The following RPTOR variants were observed in gnomAD, a reference collection of about 807,000 sequenced individuals.
RPTOR encodes regulatory associated protein of MTOR complex 1.
In RPTOR, 21 loss-of-function variants were observed where a neutral mutation model predicts 169.9. The ratio of observed to expected loss-of-function variants is 0.12; its 90% CI spans 0.09 to 0.18. The LOEUF (loss-of-function observed/expected upper bound fraction) is 0.18. RPTOR is among the 10% of genes least tolerant of loss of function. The probability of loss-of-function intolerance (pLI) is 1.00; values close to 1 mark genes in which losing one functional copy is unlikely to be tolerated. For synonymous variants in RPTOR, 732 were observed against 753.2 expected (o/e 0.97, Z 0.46); for missense variants, 1,133 against 1,855.9 (o/e 0.61, Z 7.16).
At chr17:80,815,215 A>G (rs1450518976) in intron 7 of RPTOR, among the ~76,000 whole-genome samples, 1 of 152,258 alleles carries the variant, frequency 6.6e-6, no homozygotes, top group Admixed American at 6.5e-5. Flanking sequence ...AGAGGCCAGG[A>G]CAGAAGCTGG....
At chr17:80,837,249 A>G (rs1415961011) in intron 9 of RPTOR, among the ~76,000 whole-genome samples, 1 of 152,084 alleles carries the variant, frequency 6.6e-6, no homozygotes, top group Non-Finnish European at 1.5e-5. Context: ...GAGCAGCTCT[A>G]TGCATGGTAG....
rs2066162206 is a variant in RPTOR at position 80,708,817 on chromosome 17, C to T, written c.507+818C>T. On this transcript the variant is annotated intron_variant, in intron 4 of 33. Transcript: ENST00000306801. This position sits in a 1 kb window ranked among gnomAD's most constrained non-coding sequence, Gnocchi z 4.2. ...GGAGGGTGCGGTGGCCCCATATGTGCCTGAGCGTGTCTATGAGGGCACTGA... is the reference window on the plus strand; with the variant it reads ...GGAGGGTGCGGTGGCCCCATATGTGTCTGAGCGTGTCTATGAGGGCACTGA... The T allele has an allele frequency of 8.7e-6, 4 of 459,466 alleles. No individual in the cohort carries two copies. The highest frequency in any genetic ancestry group is 1.1e-5 in the Non-Finnish European group (4 of 349,292). The allele number at this position is 459,466 out of a possible 1,614,324, so 28.5% of individuals were successfully genotyped here.
At chr17:80,579,742 C>T (rs760968472) in intron 1 of RPTOR, among the ~76,000 whole-genome samples, 2 of 152,178 alleles carry the variant, frequency 1.3e-5, no homozygotes, top group Admixed American at 6.5e-5. Context: ...TGAAAAAGTT[C>T]AACCTTTTTT....
At chr17:80,858,210 C>CCCCGTAA (rs2067877126) in intron 13 of RPTOR, 3 of 380,568 alleles carry the variant, frequency 7.9e-6, no homozygotes, top group Non-Finnish European at 1.5e-5. Flanking sequence ...TGTGTCTGAC[C>CCCCGTAA]CCCGTAAGGC....
Position 80,709,172 on chromosome 17 carries a change from T to C in RPTOR, c.507+1173T>C, listed in dbSNP as rs2066165368. Reference sequence around the variant, plus strand: ...GCAGTGCCATCTCTCCCCGTGTGTATCTGGATACCAGCTTGATTTTAATTC... The same window carrying C: ...GCAGTGCCATCTCTCCCCGTGTGTACCTGGATACCAGCTTGATTTTAATTC... On this transcript the variant is annotated intron_variant, in intron 4 of 33. Transcript: ENST00000306801. 5 of 729,732 alleles carry C rather than the reference T, an allele frequency of 6.9e-6. No individual in the cohort carries two copies. The Admixed American group carries it at 3.1e-4, about 46-fold the overall frequency. 45.2% of individuals were successfully genotyped at this position (729,732 alleles called of 1,614,324 possible). A position where few individuals can be genotyped will look rare whatever the true frequency, so the allele number is the denominator to read the frequency against.
intron 4 of RPTOR, among the ~76,000 whole-genome samples, chr17:80,727,382 C>T (rs2066347759): frequency 6.7e-6 from 1 of 150,324 alleles, no homozygotes; most frequent in African/African-American, 2.5e-5. Flanking sequence ...CTGATCATGT[C>T]ATGCTCTGAG....
At chr17:80,865,332 G>A (rs1386630360) in intron 13 of RPTOR, among the ~76,000 whole-genome samples, 2 of 152,192 alleles carry the variant, frequency 1.3e-5, no homozygotes, top group African/African-American at 4.8e-5. Flanking sequence ...TGTGGAGACT[G>A]AACGCCACAA....
chr17:80,907,639 CCCCCCTTCTGGTTT>C (rs141256007), intron 20 of RPTOR, among the ~76,000 whole-genome samples: 4,382 of 152,326 alleles, frequency 0.029, 99 homozygotes, highest in Middle Eastern at 0.044. Context: ...CCGTGCCTGC[CCCCCCTTCTGGTTT>C]CCAAGTGCTC....
At chr17:80,868,783 G>A (rs955708839) in intron 13 of RPTOR, among the ~76,000 whole-genome samples, 5 of 152,156 alleles carry the variant, frequency 3.3e-5, no homozygotes, top group East Asian at 1.9e-4. Context: ...CGATGAAATC[G>A]TACTCAACAA....
At chr17:80,555,656 A>G (rs2084398941) in intron 1 of RPTOR, among the ~76,000 whole-genome samples, 1 of 152,230 alleles carries the variant, frequency 6.6e-6, no homozygotes, top group East Asian at 1.9e-4. Context: ...GAATGACATT[A>G]TTACGGGGAG....
chr17:80,738,770 A>G (rs541232728), intron 5 of RPTOR, among the ~76,000 whole-genome samples: 1 of 152,210 alleles, frequency 6.6e-6, no homozygotes, highest in African/African-American at 2.4e-5. Flanking sequence ...GGATCTATAG[A>G]TTTGGCTTGA....
intron 9 of RPTOR, among the ~76,000 whole-genome samples, chr17:80,829,474 G>A (rs2067479638): frequency 6.6e-6 from 1 of 152,142 alleles, no homozygotes. Context: ...GATATCTAAC[G>A]TGGCATTAAA....
intron 1 of RPTOR, among the ~76,000 whole-genome samples, chr17:80,560,781 G>A (rs975324538): frequency 1.3e-5 from 2 of 152,266 alleles, no homozygotes; most frequent in African/African-American, 2.4e-5. Flanking sequence ...CTACGTGTTC[G>A]TTTTGTCTCC....
intron 9 of RPTOR, among the ~76,000 whole-genome samples, chr17:80,828,551 AC>A (rs1260791490): frequency 6.6e-6 from 1 of 151,984 alleles, no homozygotes; most frequent in African/African-American, 2.4e-5. Context: ...CCTAACCCCG[AC>A]CCCTGCCTTG....
intron 1 of RPTOR, among the ~76,000 whole-genome samples, chr17:80,555,893 T>A (rs891925965): frequency 1.3e-5 from 2 of 151,936 alleles, no homozygotes; most frequent in Admixed American, 6.6e-5. Context: ...GGGGCGAGAC[T>A]GGAGGTGGGG....
chr17:80,938,221 G>A (rs114274576), intron 24 of RPTOR, among the ~76,000 whole-genome samples: 144 of 152,308 alleles, frequency 9.5e-4, no homozygotes, highest in African/African-American at 3.2e-3. Flanking sequence ...CCTTGCAGTC[G>A]TCTTTGTTGT....
chr17:80,758,908 G>C lies in RPTOR; in HGVS notation c.830+4723G>C. On this transcript the variant is annotated intron_variant, in intron 6 of 33. Transcript: ENST00000306801. ...CACAAGGGGAACCGGAAATGACATC[G>C]CTACCTTCCTGTGCCTTCCCTGCCG... is the stretch of plus-strand genomic sequence containing the variant. Among the ~76,000 whole-genome samples, 4 of 151,860 alleles carry C rather than the reference G, an allele frequency of 2.6e-5. No individual in the cohort carries two copies. The South Asian group carries it at 8.3e-4, about 32-fold the overall frequency.
chr17:80,631,808 G>C (rs933761917), intron 2 of RPTOR, among the ~76,000 whole-genome samples: 8 of 152,098 alleles, frequency 5.3e-5, no homozygotes, highest in Non-Finnish European at 8.8e-5. Context: ...GAGATGACAG[G>C]CATGCCTGTA....
Position 80,965,058 on chromosome 17 carries a change from C to T in RPTOR, c.*728C>T, listed in dbSNP as rs1046778707. ...GGCCCCTCTCACACAGAGCTGTCAG[C>T]AGGGGCCGCTGTGGCGGTGCACAGG... On this transcript the variant is annotated 3_prime_UTR_variant, in exon 34 of 34. Coordinates refer to ENST00000306801, the MANE Select transcript of RPTOR (RefSeq NM_020761.3). 3 of 233,258 alleles carry T rather than the reference C, an allele frequency of 1.3e-5. No homozygotes were observed. The highest frequency in any genetic ancestry group is 6.0e-5 in the East Asian group (1 of 16,596). The allele number at this position is 233,258 out of a possible 1,614,324, so 14.4% of individuals were successfully genotyped here.
Sources: allele counts gnomAD v4.1 joint callset (sites outside exome capture counted in the v4.1 genomes callset), GRCh38; gene constraint gnomAD v4.1.1; non-coding constraint Gnocchi (gnomAD v3.1); transcripts MANE v1.5; gene names NCBI Gene and HGNC (gene_info 2026-07-23, HGNC 2026-07-21).